The following SFMBT2 variants were observed in gnomAD, a reference collection of about 807,000 sequenced individuals.
SFMBT2 encodes the protein scm-like with four MBT domains protein 2.
A neutral mutation model predicts 110.1 loss-of-function variants in SFMBT2; 38 were observed. The observed-to-expected ratio is 0.35, with a 90% CI of 0.27 to 0.45. The LOEUF (loss-of-function observed/expected upper bound fraction) is 0.45. Among genes scored for constraint, SFMBT2 ranks in the 20% least tolerant of loss-of-function variants. The pLI is 1.00. For synonymous variants in SFMBT2, 425 were observed against 425.4 expected, an observed-to-expected ratio of 1.00 and a Z score of 0.01; for missense variants, 1,011 against 1,094.9, an observed-to-expected ratio of 0.92 and a Z score of 1.08.
intron 16 of SFMBT2, among the ~76,000 whole-genome samples, chr10:7,186,459 C>CATATATATAT (rs1554782971): frequency 1.4e-4 from 18 of 126,908 alleles, no homozygotes; most frequent in African/African-American, 5.2e-4. Flanking sequence ...CACACACACA[C>CATATATATAT]ATATATATAT....
chr10:7,201,573 T>C (rs1323981684), intron 13 of SFMBT2, among the ~76,000 whole-genome samples: 1 of 152,206 alleles, frequency 6.6e-6, no homozygotes, highest in Non-Finnish European at 1.5e-5. Context: ...ATCGTGCAGT[T>C]CCAGTTCAAT....
chr10:7,173,698 C>T (rs148367111), intron 17 of SFMBT2, among the ~76,000 whole-genome samples: 10 of 152,302 alleles, frequency 6.6e-5, no homozygotes, highest in East Asian at 1.9e-4. Flanking sequence ...ACGACCCAGA[C>T]GCCTACTCAT....
chr10:7,228,721 T>C (rs1437365055), intron 9 of SFMBT2, among the ~76,000 whole-genome samples: 4 of 124,292 alleles, frequency 3.2e-5, no homozygotes, highest in African/African-American at 1.4e-4. Flanking sequence ...CTTTCTTTCT[T>C]TCTTTCTTTC....
In SFMBT2 at chr10:7,215,416, T is replaced by C. The variant is rs542576289; in HGVS notation, c.1330+4995A>G. ...ACCCTGTCTCAAAACAAAACAAAAA[T>C]ATACAGAACATCTTCCAAATGTTTC... On this transcript the variant is annotated intron_variant, in intron 11 of 20. Transcript: ENST00000397167. 2,173 of 451,166 alleles carry C rather than the reference T, an allele frequency of 4.8e-3. 9 individuals are homozygous for C. The highest frequency in any genetic ancestry group is 5.8e-3 in the Non-Finnish European group (1,991 of 341,564). 27.9% of individuals were successfully genotyped at this position (451,166 alleles called of 1,614,324 possible).
At chr10:7,365,916 T>TA (rs1194897706) in intron 4 of SFMBT2, among the ~76,000 whole-genome samples, 1 of 152,204 alleles carries the variant, frequency 6.6e-6, no homozygotes, top group Non-Finnish European at 1.5e-5. Flanking sequence ...GTGAATATAC[T>TA]AAAAAATCAC....
At chr10:7,282,531 C>T (rs1841974819) in intron 6 of SFMBT2, among the ~76,000 whole-genome samples, 2 of 152,246 alleles carry the variant, frequency 1.3e-5, no homozygotes, top group Admixed American at 1.3e-4. Context: ...CTTCACAACA[C>T]GACAGGCTCT....
intron 12 of SFMBT2, chr10:7,205,553 TGA>T (rs1839102523): frequency 1.0e-6 from 1 of 985,300 alleles, no homozygotes; most frequent in Non-Finnish European, 1.2e-6. Flanking sequence ...TATAAAAAAC[TGA>T]GAGTGATGAT....
At chr10:7,394,301 A>G (rs776437495) in intron 1 of SFMBT2, among the ~76,000 whole-genome samples, 1 of 152,000 alleles carries the variant, frequency 6.6e-6, no homozygotes, top group Non-Finnish European at 1.5e-5. Flanking sequence ...AATATTCTCT[A>G]TAAGGCCTGT....
chr10:7,388,372 T>G (rs1845675861), intron 1 of SFMBT2, among the ~76,000 whole-genome samples: 1 of 146,338 alleles, frequency 6.8e-6, no homozygotes, highest in Non-Finnish European at 1.5e-5. Context: ...TGATGATGAT[T>G]GAGATGGAGT....
chr10:7,331,108 G>A (rs1843548112), intron 4 of SFMBT2, among the ~76,000 whole-genome samples: 1 of 152,170 alleles, frequency 6.6e-6, no homozygotes, highest in South Asian at 2.1e-4. Context: ...TTTGGTACTT[G>A]TATTCTGACA....
Position 7,271,601 on chromosome 10 carries a change from A to C in SFMBT2, c.870+5291T>G, listed in dbSNP as rs1026630846. Among the ~76,000 whole-genome samples the C allele has an allele frequency of 9.2e-5, 14 of 152,342 alleles. No individual in the cohort carries two copies. The Middle Eastern group carries it at 0.01, about 111-fold the overall frequency. On this transcript the variant is annotated intron_variant, in intron 7 of 20. Transcript: ENST00000397167. The stretch of plus-strand genomic sequence containing the variant: ...GGTCCAGGGAAGGATTCCTTTGGGG[A>C]ATCTATATTTGAAAATGAAAGATGA...
At chr10:7,360,160 T>C (rs570650700) in intron 4 of SFMBT2, among the ~76,000 whole-genome samples, 6 of 151,688 alleles carry the variant, frequency 4.0e-5, no homozygotes, top group Non-Finnish European at 5.9e-5. Context: ...CATTCACTGT[T>C]CAAGATGACC....
intron 4 of SFMBT2, among the ~76,000 whole-genome samples, chr10:7,335,966 A>AG: frequency 6.6e-6 from 1 of 152,358 alleles, no homozygotes; most frequent in Non-Finnish European, 1.5e-5. Context: ...AGAAAAAAAA[A>AG]GAAAATACCT....
chr10:7,397,526 C>T (rs1393715215), intron 1 of SFMBT2, among the ~76,000 whole-genome samples: 1 of 152,130 alleles, frequency 6.6e-6, no homozygotes, highest in Non-Finnish European at 1.5e-5. Context: ...TGTCTCATTT[C>T]ACACTCCAGG....
chr10:7,286,429 G>T, intron 4 of SFMBT2: 2 of 951,586 alleles, frequency 2.1e-6, no homozygotes, highest in East Asian at 2.3e-4. Context: ...TGGACTGAAG[G>T]TGAAATGGAG....
At chr10:7,396,373 T>C (rs1845927062) in intron 1 of SFMBT2, among the ~76,000 whole-genome samples, 1 of 152,214 alleles carries the variant, frequency 6.6e-6, no homozygotes, top group Non-Finnish European at 1.5e-5. Flanking sequence ...TTTCTGTTAG[T>C]TGGTCAAATT....
chr10:7,329,660 A>G, intron 4 of SFMBT2: 1 of 260,848 alleles, frequency 3.8e-6, no homozygotes, highest in Non-Finnish European at 6.0e-6. Context: ...CTCCACAATA[A>G]CCGGGGCCTT....
intron 11 of SFMBT2, among the ~76,000 whole-genome samples, chr10:7,217,035 A>G (rs1405924398): frequency 6.6e-6 from 1 of 152,250 alleles, no homozygotes; most frequent in Non-Finnish European, 1.5e-5. Flanking sequence ...AGATAAACAT[A>G]AAGCATTATT....
chr10:7,311,190 T>C (rs1564433317), intron 4 of SFMBT2, among the ~76,000 whole-genome samples: 1 of 151,388 alleles, frequency 6.6e-6, no homozygotes, highest in Non-Finnish European at 1.5e-5. Context: ...ATACAATCCA[T>C]GTAATTGTAC....
Sources: gnomAD v4.1 joint callset for allele counts (sites outside exome capture counted in the v4.1 genomes callset) on GRCh38, gnomAD v4.1.1 for gene constraint, MANE v1.5 for transcripts, NCBI Gene and HGNC (gene_info 2026-07-23, HGNC 2026-07-21) for gene names.